HGFAC: variants seen among roughly 807,000 people sequenced by gnomAD.
The protein encoded by HGFAC is HGF activator.
Under a neutral mutation model 70.6 loss-of-function variants are expected in HGFAC, and 76 were observed. The ratio of observed to expected loss-of-function variants is 1.08; its 90% confidence interval spans 0.89 to 1.30. HGFAC has a LOEUF of 1.30. Ranked by LOEUF, HGFAC falls within the 50% of genes most tolerant of loss-of-function variation. The probability of loss-of-function intolerance (pLI) is 0.00; values close to 1 mark genes in which losing one functional copy is unlikely to be tolerated. For synonymous variants in HGFAC, 464 were observed against 405.3 expected (o/e 1.14, Z -1.74); for missense variants, 1,044 against 933.7 (o/e 1.12, Z -1.54).
At chr4:3,442,647 A>C (rs1274185660) in intron 1 of HGFAC, 85 bp from the exon 2 acceptor site, 4 of 1,029,184 alleles carry the variant, frequency 3.9e-6, no homozygotes, top group African/African-American at 1.7e-5. Flanking sequence ...CAGTATGGAA[A>C]CAGGCTCAGG....
In HGFAC at chr4:3,449,443, C is replaced by CCCA. The variant is rs1560195684; in HGVS notation, c.*28_*30dup. ...GACCCTCCAGCGGGACACCCTGGTTCCCACCATTCCCTGCCTTGCTGACAA... is the reference window on the plus strand; with the variant it reads ...GACCCTCCAGCGGGACACCCTGGTTCCCACCACCATTCCCTGCCTTGCTGACAA... On this transcript the variant is annotated 3_prime_UTR_variant, in exon 14 of 14. Transcript: ENST00000382774. 6.7e-7 allele frequency: 1 copy of CCCA among 1,497,468 alleles called. No individual in the cohort carries two copies. Among genetic ancestry groups the CCCA allele is most frequent in the Admixed American group, 2.2e-5 (1 of 44,476 alleles). The allele number at this position is 1,497,468 out of a possible 1,614,324, so 92.8% of individuals were successfully genotyped here.
Position 3,448,123 on chromosome 4 carries a change from C to A in HGFAC, c.1637-5C>A, listed in dbSNP as rs2109302181. On this transcript the variant is annotated splice_polypyrimidine_tract_variant and splice_region_variant and intron_variant, in intron 12 of 13. Transcript: ENST00000382774. ...GTGTCACGCTGAGGGCATTGTGTCCCACAGACGTGAGCGGCTACTCCAGCT... is the reference window on the plus strand; with the variant it reads ...GTGTCACGCTGAGGGCATTGTGTCCAACAGACGTGAGCGGCTACTCCAGCT... 2 of 1,586,350 alleles carry A rather than the reference C, an allele frequency of 1.3e-6. No homozygotes were observed. The highest frequency in any genetic ancestry group is 2.3e-5 in the East Asian group (1 of 43,408).
intron 8 of HGFAC, 92 bp downstream of exon 8, chr4:3,445,085 G>T: frequency 7.1e-7 from 1 of 1,412,216 alleles, no homozygotes; most frequent in Non-Finnish European, 9.5e-7. Context: ...CCCAGGCGGG[G>T]CCAGCTCCGT....
intron 1 of HGFAC, 70 bp from the exon 2 acceptor site, chr4:3,442,662 T>C: frequency 8.5e-7 from 1 of 1,172,690 alleles, no homozygotes; most frequent in Non-Finnish European, 1.1e-6. Context: ...CTCAGGGCTG[T>C]GACCTCCTGC....
At chr4:3,441,299 G>T (rs1282242354), upstream of HGFAC, among the ~76,000 whole-genome samples, 1 of 152,122 alleles carries the variant, frequency 6.6e-6, no homozygotes, top group Non-Finnish European at 1.5e-5. This position sits in a 1 kb window ranked among gnomAD's most constrained non-coding sequence, Gnocchi z 6.0. Flanking sequence ...TCTGGGAGAC[G>T]GGGAGGAAGG....
chr4:3,446,016 T>A (rs1725495858), intron 9 of HGFAC, 26 bp from the exon 10 acceptor site: 2 of 1,604,434 alleles, frequency 1.2e-6, no homozygotes, highest in African/African-American at 2.7e-5. Context: ...ACCCCAGGGG[T>A]GTGACCCGGT....
Position 3,444,619 on chromosome 4 carries a change from C to T in HGFAC, c.731-4C>T. ...CTGGCCCAGCTCCTCGGCCCTGCCCCCAGCTTGTCTGAGCAGCCCTTGCCT... is the reference window on the plus strand; with the variant it reads ...CTGGCCCAGCTCCTCGGCCCTGCCCTCAGCTTGTCTGAGCAGCCCTTGCCT... On this transcript the variant is annotated splice_region_variant and splice_polypyrimidine_tract_variant and intron_variant, in intron 6 of 13. Transcript: ENST00000382774. 6.3e-7 allele frequency: 1 copy of T among 1,590,124 alleles called. No homozygotes were observed. Among genetic ancestry groups the T allele is most frequent in the Non-Finnish European group, 8.5e-7 (1 of 1,174,012 alleles).
intron 6 of HGFAC, 81 bp from the exon 7 acceptor site, chr4:3,444,542 C>A: frequency 2.7e-6 from 4 of 1,504,584 alleles, no homozygotes; most frequent in Admixed American, 2.0e-5. Flanking sequence ...AAACAAGGGA[C>A]AAGGGGTGGA....
intron 5 of HGFAC, 52 bp downstream of exon 5, chr4:3,444,213 CGGAGG>C: frequency 6.4e-7 from 1 of 1,565,016 alleles, no homozygotes; most frequent in Non-Finnish European, 8.7e-7. Context: ...AGCAAGTCCC[CGGAGG>C]ATGGGAGAAC....
At chr4:3,443,960 C>A in intron 4 of HGFAC, 79 bp from the exon 5 acceptor site, 1 of 1,460,656 alleles carries the variant, frequency 6.8e-7, no homozygotes, top group Non-Finnish European at 9.2e-7. Context: ...CTGATGGACG[C>A]CTTAGCAAGC....
At chr4:3,444,202 G>C (rs1471189087) in intron 5 of HGFAC, 41 bp downstream of exon 5, 2 of 1,570,226 alleles carry the variant, frequency 1.3e-6, no homozygotes, top group Non-Finnish European at 1.7e-6. Flanking sequence ...CCAGGGGCCG[G>C]AGCAAGTCCC....
intron 11 of HGFAC, 21 bp downstream of exon 11, chr4:3,447,652 G>A (rs1189272585): frequency 6.2e-7 from 1 of 1,611,568 alleles, no homozygotes; most frequent in East Asian, 2.2e-5. Flanking sequence ...GCGTGTCGTG[G>A]CTGCACTCTG....
chr4:3,441,242 G>T (rs1725300094), upstream of HGFAC, among the ~76,000 whole-genome samples: 1 of 152,194 alleles, frequency 6.6e-6, no homozygotes, highest in Non-Finnish European at 1.5e-5. This position sits in a 1 kb window ranked among gnomAD's most constrained non-coding sequence, Gnocchi z 6.0. Flanking sequence ...AGGCGGCGGT[G>T]GGGAGCTGGG....
chr4:3,445,920 C>T, intron 9 of HGFAC, 122 bp from the exon 10 acceptor site: 1 of 1,552,570 alleles, frequency 6.4e-7, no homozygotes, highest in Non-Finnish European at 8.7e-7. Context: ...AGGGCCTGAG[C>T]AGCGTGGACA....
In HGFAC at chr4:3,442,716, T is replaced by C. The variant is rs759410516; in HGVS notation, c.118-16T>C. ...GAGGGTCTGTCCCACACTGACACCC[T>C]TTCTGCTCCTCCTAGAACCGTACGG... On this transcript the variant is annotated splice_polypyrimidine_tract_variant and intron_variant, in intron 1 of 13. Coordinates refer to ENST00000382774, the MANE Select transcript of HGFAC (RefSeq NM_001528.4). The C allele has an allele frequency of 6.8e-7, 1 of 1,464,126 alleles. No homozygotes were observed. Among genetic ancestry groups the C allele is most frequent in the Non-Finnish European group, 9.0e-7 (1 of 1,108,610 alleles). 90.7% of individuals were successfully genotyped at this position (1,464,126 alleles called of 1,614,324 possible).
chr4:3,449,065 G>A (rs1362458299), intron 13 of HGFAC, among the ~76,000 whole-genome samples, 172 bp from the exon 14 acceptor site: 1 of 152,132 alleles, frequency 6.6e-6, no homozygotes, highest in African/African-American at 2.4e-5. Flanking sequence ...CCCTGGCCCA[G>A]CCAGTGCTGC....
Position 3,443,414 on chromosome 4 carries a change from G to A in HGFAC, c.469G>A (p.Gly157Ser). ...YCVEATPPPG[G>S]PAALDPCASG... ...TGTGGAGGCCACCCCGCCTCCAGGG[G>A]GCCCAGGTGGGTGCTGGGTTGGGTA... Residue 157 changes from glycine to serine, a missense_variant, in exon 4 of 14, where the codon GGC becomes AGC. Transcript: ENST00000382774. 6.8e-7 allele frequency: 1 copy of A among 1,473,274 alleles called. No homozygotes were observed. Among genetic ancestry groups the A allele is most frequent in the Non-Finnish European group, 9.0e-7 (1 of 1,109,546 alleles). The allele number at this position is 1,473,274 out of a possible 1,614,324, so 91.3% of individuals were successfully genotyped here.
At chr4:3,445,035 C>T in intron 8 of HGFAC, 42 bp downstream of exon 8, 3 of 1,505,102 alleles carry the variant, frequency 2.0e-6, no homozygotes, top group Non-Finnish European at 2.7e-6. Context: ...GCGGGGCAGG[C>T]AGGATTTGTC....
At chr4:3,444,579 G>A (rs746300102) in intron 6 of HGFAC, 44 bp from the exon 7 acceptor site, 38 of 1,532,552 alleles carry the variant, frequency 2.5e-5, no homozygotes, top group Middle Eastern at 2.1e-4. Flanking sequence ...GCTGTCGTGG[G>A]GCACTGCGCG....
Sources: allele counts gnomAD v4.1 joint callset (sites outside exome capture counted in the v4.1 genomes callset), GRCh38; gene constraint gnomAD v4.1.1; non-coding constraint Gnocchi (gnomAD v3.1); transcripts MANE v1.5; gene names NCBI Gene and HGNC (gene_info 2026-07-23, HGNC 2026-07-21).